RASA1: variants seen among roughly 807,000 people sequenced by gnomAD.
RASA1 encodes the protein ras GTPase-activating protein 1.
In RASA1, 25 loss-of-function variants were observed where a neutral mutation model predicts 132.2. The ratio of observed to expected loss-of-function variants is 0.19; its 90% CI spans 0.14 to 0.26. The LOEUF is 0.26. Ranked by LOEUF, RASA1 falls within the 10% of genes least tolerant of loss-of-function variation. The pLI, the probability that RASA1 is intolerant of heterozygous loss-of-function variation, is 1.00. For missense variants in RASA1, 964 were observed against 1,299.2 expected (o/e 0.74, Z 3.97); for synonymous variants, 477 against 449.9 (o/e 1.06, Z -0.76).
chr5:87,279,064 C>G (rs978792806), intron 1 of RASA1, among the ~76,000 whole-genome samples: 3 of 151,652 alleles, frequency 2.0e-5, no homozygotes, highest in Admixed American at 6.6e-5. Context: ...GGCAACATGG[C>G]GAAACCTTGT....
intron 1 of RASA1, among the ~76,000 whole-genome samples, chr5:87,313,890 G>A (rs1247764690): frequency 3.3e-5 from 5 of 152,084 alleles, no homozygotes; most frequent in African/African-American, 9.7e-5. Context: ...TGTTTGGGCC[G>A]GGCGTGGTGG....
At chr5:87,271,072 C>T (rs1753809367) in intron 1 of RASA1, among the ~76,000 whole-genome samples, 1 of 152,060 alleles carries the variant, frequency 6.6e-6, no homozygotes, top group African/African-American at 2.4e-5. Context: ...AACCCCGTCT[C>T]TACTAAAAAT....
intron 6 of RASA1, among the ~76,000 whole-genome samples, chr5:87,341,808 TACTC>T (rs1179180286): frequency 6.6e-6 from 1 of 152,166 alleles, no homozygotes; most frequent in African/African-American, 2.4e-5. Flanking sequence ...AATTCTCTCT[TACTC>T]ACATTTTAAT....
In RASA1 at chr5:87,374,147, A is replaced by ATTT; in HGVS notation, c.1777-5_1777-3dup. 2 of 1,006,728 alleles carry ATTT rather than the reference A, an allele frequency of 2.0e-6. No individual in the cohort carries two copies. Among genetic ancestry groups the ATTT allele is most frequent in the Middle Eastern group, 3.8e-4 (1 of 2,618 alleles). 62.4% of individuals were successfully genotyped at this position (1,006,728 alleles called of 1,614,324 possible). On this transcript the variant is annotated splice_polypyrimidine_tract_variant and intron_variant, in intron 13 of 24. Coordinates refer to ENST00000274376, the MANE Select transcript of RASA1 (RefSeq NM_002890.3). ...AATCTGGGGTAATATATATATATAT[A>ATTT]TTTTTTTTTTTTTAGGTCAGCAGCC...
chr5:87,302,620 A>G (rs984393776), intron 1 of RASA1, among the ~76,000 whole-genome samples: 12 of 151,642 alleles, frequency 7.9e-5, no homozygotes, highest in Middle Eastern at 3.4e-3. Context: ...ATAGTATACT[A>G]TACTAAAGCA....
intron 8 of RASA1, among the ~76,000 whole-genome samples, chr5:87,349,637 A>G (rs1030002061): frequency 6.6e-6 from 1 of 151,914 alleles, no homozygotes; most frequent in Non-Finnish European, 1.5e-5. Context: ...TACTAAATCC[A>G]TGTGTTATCT....
At chr5:87,372,243 C>A in intron 13 of RASA1, 48 bp downstream of exon 13, 1 of 1,524,752 alleles carries the variant, frequency 6.6e-7, no homozygotes, top group Non-Finnish European at 9.1e-7. Flanking sequence ...TTTGCTCTAA[C>A]ACTTTGCTCT....
intron 1 of RASA1, among the ~76,000 whole-genome samples, chr5:87,299,475 C>G (rs1755263764): frequency 6.6e-6 from 1 of 151,922 alleles, no homozygotes; most frequent in Admixed American, 6.6e-5. Flanking sequence ...TTATAGTTAC[C>G]AAAAAGGCTA....
At position 87,379,619 on chromosome 5, in the gene RASA1, C is replaced by G; in HGVS notation, c.2488-116C>G. On this transcript the variant is annotated intron_variant, in intron 18 of 24. Transcript: ENST00000274376. ...ATTATACAAAGAAAAAAGATCAATACACACAGAGATACCGAAAAATAGACA... is the reference window on the plus strand; with the variant it reads ...ATTATACAAAGAAAAAAGATCAATAGACACAGAGATACCGAAAAATAGACA... The G allele has an allele frequency of 8.7e-6, 12 of 1,386,290 alleles. No homozygotes were observed. In the South Asian group the frequency reaches 1.7e-4, roughly 19 times the overall value. 85.9% of individuals were successfully genotyped at this position (1,386,290 alleles called of 1,614,324 possible).
intron 9 of RASA1, among the ~76,000 whole-genome samples, chr5:87,360,008 A>C (rs746597411): frequency 2.0e-5 from 3 of 151,978 alleles, no homozygotes; most frequent in Non-Finnish European, 4.4e-5. Flanking sequence ...AATAAGTTCT[A>C]TTTGTAATTA....
At chr5:87,309,022 A>G (rs1446223542) in intron 1 of RASA1, among the ~76,000 whole-genome samples, 1 of 152,150 alleles carries the variant, frequency 6.6e-6, no homozygotes, top group Non-Finnish European at 1.5e-5. Flanking sequence ...CACAGAGGGG[A>G]AAAATACAAC....
intron 1 of RASA1, among the ~76,000 whole-genome samples, chr5:87,285,577 A>G (rs1245520049): frequency 6.6e-6 from 1 of 151,270 alleles, no homozygotes; most frequent in East Asian, 1.9e-4. Flanking sequence ...TTTTATTTAA[A>G]AACTTTTTTT....
chr5:87,286,692 A>C (rs1003672822), intron 1 of RASA1, among the ~76,000 whole-genome samples: 2 of 151,800 alleles, frequency 1.3e-5, no homozygotes, highest in African/African-American at 4.8e-5. Context: ...CTTTCTTAAA[A>C]TCCTTTTGTG....
chr5:87,277,919 C>CTTT (rs1754137104), intron 1 of RASA1, among the ~76,000 whole-genome samples: 1 of 152,068 alleles, frequency 6.6e-6, no homozygotes, highest in Non-Finnish European at 1.5e-5. Context: ...AAAGATCCTA[C>CTTT]ACATGACCAT....
At chr5:87,360,678 T>G (rs1457457221) in intron 9 of RASA1, among the ~76,000 whole-genome samples, 1 of 152,182 alleles carries the variant, frequency 6.6e-6, no homozygotes, top group Non-Finnish European at 1.5e-5. Flanking sequence ...TCTCATTTCT[T>G]TTTAGCAAAA....
intron 21 of RASA1, among the ~76,000 whole-genome samples, chr5:87,384,798 A>C (rs138226863): frequency 1.2e-3 from 190 of 152,202 alleles, no homozygotes; most frequent in African/African-American, 4.1e-3. Flanking sequence ...AAGTTTATTA[A>C]ATTTCATGTT....
At chr5:87,317,765 AG>A (rs1452195925) in intron 1 of RASA1, among the ~76,000 whole-genome samples, 2 of 151,736 alleles carry the variant, frequency 1.3e-5, no homozygotes, top group Admixed American at 6.6e-5. Flanking sequence ...CCTCCTGAGT[AG>A]CTGTGATTAC....
At position 87,270,492 on chromosome 5, in the gene RASA1, C is replaced by T. The variant is rs150015509; in HGVS notation, c.539+1502C>T. ...CCTCTCTAGTAGCTGGGATTACAGG[C>T]GCATGCCACCATGTCTGGCTAATTT... On this transcript the variant is annotated intron_variant, in intron 1 of 24. Transcript: ENST00000274376. 2.6e-3 allele frequency among the ~76,000 whole-genome samples: 398 copies of T among 150,872 alleles called. 5 individuals are homozygous for T. The highest frequency in any genetic ancestry group is 7.8e-3 in the East Asian group (39 of 4,978).
intron 1 of RASA1, among the ~76,000 whole-genome samples, chr5:87,324,741 C>A (rs1757097239): frequency 6.6e-6 from 1 of 152,042 alleles, no homozygotes; most frequent in Non-Finnish European, 1.5e-5. Context: ...CCTCTTCTCC[C>A]CTTCCTCAAG....
Sources: allele counts gnomAD v4.1 joint callset (sites outside exome capture counted in the v4.1 genomes callset), GRCh38; gene constraint gnomAD v4.1.1; transcripts MANE v1.5; gene names NCBI Gene and HGNC (gene_info 2026-07-23, HGNC 2026-07-21).